Variants in EFR3A observed in about 807,000 individuals in gnomAD.
EFR3A encodes EFR3 homolog A.
A neutral mutation model predicts 104.4 loss-of-function variants in EFR3A; 76 were observed. The observed-to-expected ratio is 0.73, with a 90% CI of 0.60 to 0.88. The LOEUF (loss-of-function observed/expected upper bound fraction) is 0.88. Among genes scored for constraint, EFR3A ranks in the 40% least tolerant of loss-of-function variants. The pLI is 0.00. For synonymous variants in EFR3A, 330 were observed against 330.0 expected (o/e 1.00, Z 0.00); for missense variants, 985 against 1,012.5 (o/e 0.97, Z 0.37).
At chr8:132,002,534 A>C in intron 20 of EFR3A, 69 bp from the exon 21 acceptor site, 1 of 1,302,008 alleles carries the variant, frequency 7.7e-7, no homozygotes, top group South Asian at 1.3e-5. Flanking sequence ...ATTAACTCTT[A>C]ACGGTCATTG....
At chr8:132,006,594 A>C (rs942443728) in intron 22 of EFR3A, among the ~76,000 whole-genome samples, 1 of 152,088 alleles carries the variant, frequency 6.6e-6, no homozygotes, top group East Asian at 1.9e-4. Flanking sequence ...CTTTTATCAT[A>C]CATTTAGGTA....
chr8:132,003,133 C>A, intron 21 of EFR3A, 103 bp from the exon 22 acceptor site: 1 of 923,726 alleles, frequency 1.1e-6, no homozygotes, highest in Non-Finnish European at 1.7e-6. Flanking sequence ...AATTAATCAG[C>A]TTAATAGTCA....
chr8:131,933,356 G>T (rs1817713544), intron 1 of EFR3A, among the ~76,000 whole-genome samples: 1 of 152,100 alleles, frequency 6.6e-6, no homozygotes, highest in African/African-American at 2.4e-5. Context: ...CAGTGGTGGG[G>T]CAGAGGTATG....
chr8:131,974,631 G>A (rs1820230525), intron 10 of EFR3A, among the ~76,000 whole-genome samples: 1 of 152,136 alleles, frequency 6.6e-6, no homozygotes, highest in South Asian at 2.1e-4. Flanking sequence ...ACAAATAATA[G>A]AACCTAGACT....
chr8:131,919,804 C>T (rs1816915385), intron 1 of EFR3A, among the ~76,000 whole-genome samples: 1 of 151,450 alleles, frequency 6.6e-6, no homozygotes, highest in Non-Finnish European at 1.5e-5. Context: ...AAACGAAAGA[C>T]TCTGAAATCC....
chr8:131,962,155 C>T (rs937303505), intron 8 of EFR3A, among the ~76,000 whole-genome samples: 8 of 151,954 alleles, frequency 5.3e-5, no homozygotes, highest in African/African-American at 1.2e-4. Flanking sequence ...CATCAACTAA[C>T]GAGCAAAATC....
chr8:131,904,894 A>G (rs566995954), intron 1 of EFR3A, among the ~76,000 whole-genome samples: 22 of 152,290 alleles, frequency 1.4e-4, no homozygotes, highest in African/African-American at 5.3e-4. Context: ...CGGGCAGATG[A>G]TTAAAAATGC....
chr8:131,919,509 T>G, intron 1 of EFR3A, among the ~76,000 whole-genome samples: 1 of 145,166 alleles, frequency 6.9e-6, no homozygotes, highest in African/African-American at 2.6e-5. Flanking sequence ...GGCAGGAGAA[T>G]GGCGTGAGCT....
At chr8:131,909,765 A>G (rs1302882334) in intron 1 of EFR3A, among the ~76,000 whole-genome samples, 1 of 152,160 alleles carries the variant, frequency 6.6e-6, no homozygotes, top group African/African-American at 2.4e-5. Flanking sequence ...CTTGGCCTCT[A>G]CGAACTGGAA....
chr8:131,940,575 A>T lies in EFR3A; in HGVS notation c.87A>T (p.Lys29Asn). 6.2e-7 allele frequency: 1 copy of T among 1,605,314 alleles called. No individual in the cohort carries two copies. The highest frequency in any genetic ancestry group is 8.5e-7 in the Non-Finnish European group (1 of 1,175,658). The change falls in exon 2 of 23, where the codon AAA (lysine) becomes AAT (asparagine). Residue 29 changes from lysine (K) to asparagine (N), a missense_variant and splice_region_variant. Lys to Asn is a moderately conservative substitution (Grantham distance 94, BLOSUM62 0). Coordinates refer to ENST00000254624, the MANE Select transcript of EFR3A (RefSeq NM_015137.6). ...LVDNIFPEDP[K>N]DGLVKTDMEK... ...ACAACATATTCCCTGAAGATCCAAA[A>T]GTAATTTGATCTACATCTACTGATC...
intron 1 of EFR3A, among the ~76,000 whole-genome samples, chr8:131,907,816 C>T (rs1052298501): frequency 6.6e-6 from 1 of 151,436 alleles, no homozygotes; most frequent in African/African-American, 2.4e-5. Context: ...CCTTTGCTTC[C>T]TTCTCCCCTC....
At chr8:131,988,230 A>C (rs1050634477) in intron 18 of EFR3A, among the ~76,000 whole-genome samples, 1 of 152,034 alleles carries the variant, frequency 6.6e-6, no homozygotes, top group Admixed American at 6.6e-5. Context: ...TTTGAAGGCA[A>C]AATTGCATAG....
At chr8:131,940,715 CT>C (rs1208984364) in intron 2 of EFR3A, 140 bp downstream of exon 2, 18 of 1,322,330 alleles carry the variant, frequency 1.4e-5, no homozygotes, top group African/African-American at 1.5e-5. Context: ...TTATACTTTT[CT>C]TTTTTTTACT....
rs199877310 is a variant in EFR3A, at chr8:131,955,756, G to A, written c.639-12G>A. On this transcript the variant is annotated splice_polypyrimidine_tract_variant and intron_variant, in intron 6 of 22. Coordinates refer to ENST00000254624, the MANE Select transcript of EFR3A (RefSeq NM_015137.6). ...ATTCTTGTGTTTTTCTTTATTTCTCGTTCCTTTTTAGTCGCATAGGCCCTC... is the reference window on the plus strand; with the variant it reads ...ATTCTTGTGTTTTTCTTTATTTCTCATTCCTTTTTAGTCGCATAGGCCCTC... The A allele has an allele frequency of 3.4e-4, 536 of 1,593,386 alleles. 4 individuals carry two copies. In the African/African-American group the frequency reaches 4.7e-3, roughly 14 times the overall value.
At chr8:131,934,405 G>A (rs1273484335) in intron 1 of EFR3A, among the ~76,000 whole-genome samples, 3 of 152,158 alleles carry the variant, frequency 2.0e-5, no homozygotes, top group Admixed American at 6.6e-5. Flanking sequence ...CACTTTAGCC[G>A]CAAGTTGTTT....
intron 1 of EFR3A, among the ~76,000 whole-genome samples, chr8:131,904,733 C>T (rs1816155797): frequency 6.6e-6 from 1 of 152,216 alleles, no homozygotes; most frequent in African/African-American, 2.4e-5. Context: ...GCGCCGGCCC[C>T]GAGTCCCTTC....
At chr8:132,005,372 A>G (rs1428690471) in intron 22 of EFR3A, among the ~76,000 whole-genome samples, 1 of 151,912 alleles carries the variant, frequency 6.6e-6, no homozygotes, top group Non-Finnish European at 1.5e-5. Flanking sequence ...ACACAATATT[A>G]TACTTCGCTC....
intron 8 of EFR3A, among the ~76,000 whole-genome samples, chr8:131,961,580 T>G (rs1265228059): frequency 6.6e-6 from 1 of 152,138 alleles, no homozygotes; most frequent in Non-Finnish European, 1.5e-5. Flanking sequence ...CAAATCTACG[T>G]CTGATTGGTG....
chr8:131,986,065 A>C (rs1026170700), intron 16 of EFR3A, 129 bp from the exon 17 acceptor site: 12 of 465,588 alleles, frequency 2.6e-5, no homozygotes, highest in Non-Finnish European at 4.6e-5. Flanking sequence ...CTTAAATTCA[A>C]AAACAAAGTG....
Sources: gnomAD v4.1 joint callset for allele counts (sites outside exome capture counted in the v4.1 genomes callset) on GRCh38, gnomAD v4.1.1 for gene constraint, MANE v1.5 for transcripts, NCBI Gene and HGNC (gene_info 2026-07-23, HGNC 2026-07-21) for gene names.